Variants in KLF17 observed in about 807,000 individuals in gnomAD.
The protein encoded by KLF17 is KLF transcription factor 17.
A neutral mutation model predicts 34.2 loss-of-function variants in KLF17; 31 were observed. The observed-to-expected ratio is 0.91, with a 90% CI of 0.68 to 1.22. The LOEUF (loss-of-function observed/expected upper bound fraction) is 1.22, where lower values mean the gene tolerates loss of function less well. Ranked by LOEUF, KLF17 falls within the 50% of genes most tolerant of loss-of-function variation. The pLI is 0.00. For synonymous variants in KLF17, 179 were observed against 186.7 expected (o/e 0.96, Z 0.34); for missense variants, 478 against 505.2 (o/e 0.95, Z 0.52).
In KLF17 at chr1:44,130,502, T is replaced by A. The variant is rs751951408; in HGVS notation, c.926-10T>A. The A allele has an allele frequency of 3.7e-6, 6 of 1,613,936 alleles. No homozygotes were observed. The highest frequency in any genetic ancestry group is 5.1e-6 in the Non-Finnish European group (6 of 1,179,914). On this transcript the variant is annotated splice_polypyrimidine_tract_variant and intron_variant, in intron 2 of 3. Transcript: ENST00000372299. ...TATTCTAAATTCCATCTCTCCCTTG[T>A]CATTCCCAGGTGAGAGGCCATATTC...
chr1:44,087,724 TTATATATATATATATATATATA>T, the KLF17 span, among the ~76,000 whole-genome samples: 444 of 75,620 alleles, frequency 5.9e-3, 4 homozygotes, highest in South Asian at 0.011. Flanking sequence ...CCTATATATT[TTATATATATATATATATATATA>T]TATATATATA....
chr1:44,054,110 T>C, the KLF17 span, among the ~76,000 whole-genome samples: 31 of 152,334 alleles, frequency 2.0e-4, no homozygotes, highest in Admixed American at 1.1e-3. Flanking sequence ...AGGGCCGTTT[T>C]CTTGGGGCAC....
intron 1 of KLF17, among the ~76,000 whole-genome samples, chr1:44,119,583 C>T (rs980308134): frequency 8.5e-5 from 13 of 152,178 alleles, no homozygotes; most frequent in African/African-American, 2.4e-4. Flanking sequence ...AAGTCAGGGG[C>T]GCGTGGGAGC....
upstream of KLF17, chr1:44,115,757 AC>A (rs2087874379): frequency 6.6e-6 from 1 of 152,200 alleles, no homozygotes; most frequent in Admixed American, 6.5e-5. Flanking sequence ...TTGCTGGATG[AC>A]CATTTACATA....
the KLF17 span, among the ~76,000 whole-genome samples, chr1:44,055,736 T>C: frequency 6.6e-6 from 1 of 152,186 alleles, no homozygotes; most frequent in African/African-American, 2.4e-5. Context: ...GAAGACACAA[T>C]ATCCTTTGAG....
chr1:44,107,147 C>G, the KLF17 span: 2 of 152,138 alleles, frequency 1.3e-5, no homozygotes, highest in African/African-American at 4.8e-5. Flanking sequence ...TCTTGTTCCC[C>G]AAGCTGGAGT....
the KLF17 span, among the ~76,000 whole-genome samples, chr1:44,081,194 C>CCAG: frequency 6.8e-6 from 1 of 146,780 alleles, no homozygotes; most frequent in Non-Finnish European, 1.5e-5. Flanking sequence ...CCATTGCACT[C>CCAG]CAGCCTGGGT....
At chr1:44,122,101 C>CA in intron 1 of KLF17, 1 of 1,172,528 alleles carries the variant, frequency 8.5e-7, no homozygotes, top group Admixed American at 1.9e-5. Flanking sequence ...ACAACCTGTA[C>CA]AAAAAATATC....
At chr1:44,086,648 C>G in the KLF17 span, among the ~76,000 whole-genome samples, 1 of 152,234 alleles carries the variant, frequency 6.6e-6, no homozygotes, top group South Asian at 2.1e-4. Flanking sequence ...TGATTATCCA[C>G]TGGAGAGTGA....
chr1:44,124,246 C>T (rs752744549), intron 1 of KLF17, among the ~76,000 whole-genome samples: 16 of 150,582 alleles, frequency 1.1e-4, no homozygotes, highest in Non-Finnish European at 1.9e-4. Context: ...CATTCTTTTC[C>T]TCATTTCCAG....
At chr1:44,127,676 TTCTTTCTTTCTTTCTTTTTC>T (rs1390000121) in intron 1 of KLF17, among the ~76,000 whole-genome samples, 6 of 62,012 alleles carry the variant, frequency 9.7e-5, no homozygotes, top group Admixed American at 9.0e-4. Flanking sequence ...CTTTCTTTCT[TTCTTTCTTTCTTTCTTTTTC>T]TTTCTTTCTT....
chr1:44,108,468 G>T, the KLF17 span, among the ~76,000 whole-genome samples: 3 of 151,974 alleles, frequency 2.0e-5, no homozygotes, highest in South Asian at 2.1e-4. Context: ...ATGAATGCAG[G>T]GGATTGGGGT....
chr1:44,119,004 G>A lies in KLF17; in HGVS notation c.81+16G>A, dbSNP rs562797801. ...GGCTGCCCAGGTGAGTCAGGTGCCA[G>A]CCCCTGGCAGGCCGGGCGGGCCCAG... On this transcript the variant is annotated intron_variant, in intron 1 of 3. Transcript: ENST00000372299. 15 of 1,593,986 alleles carry A rather than the reference G, an allele frequency of 9.4e-6. No homozygotes were observed. Among genetic ancestry groups the A allele is most frequent in the Non-Finnish European group, 1.3e-5 (15 of 1,170,382 alleles).
the KLF17 span, among the ~76,000 whole-genome samples, chr1:44,078,434 C>CTTTTTTTTTTT: frequency 8.2e-6 from 1 of 122,034 alleles, no homozygotes. Context: ...GCTTTTCCTT[C>CTTTTTTTTTTT]TTCTTTTTTT....
chr1:44,066,382 T>A, the KLF17 span, among the ~76,000 whole-genome samples: 1 of 147,670 alleles, frequency 6.8e-6, no homozygotes, highest in Non-Finnish European at 1.5e-5. Flanking sequence ...GGTATGATAA[T>A]ACTTTCCTTT....
chr1:44,094,278 C>A, the KLF17 span, among the ~76,000 whole-genome samples: 1 of 152,024 alleles, frequency 6.6e-6, no homozygotes, highest in Non-Finnish European at 1.5e-5. Flanking sequence ...CAAATATTTT[C>A]CCCCATTCCA....
chr1:44,101,051 C>T, the KLF17 span, among the ~76,000 whole-genome samples: 1 of 152,170 alleles, frequency 6.6e-6, no homozygotes, highest in Admixed American at 6.6e-5. Context: ...TAAGTACCTT[C>T]AGAATTTTTT....
At chr1:44,065,785 C>T in the KLF17 span, among the ~76,000 whole-genome samples, 1 of 151,954 alleles carries the variant, frequency 6.6e-6, no homozygotes, top group African/African-American at 2.4e-5. Context: ...ATGCCACAAG[C>T]AAAGAAGATA....
At chr1:44,059,319 C>T in the KLF17 span, among the ~76,000 whole-genome samples, 1 of 152,288 alleles carries the variant, frequency 6.6e-6, no homozygotes, top group Admixed American at 6.5e-5. Context: ...CCTCTTTTGT[C>T]CTTGTTGGGT....
Sources: gnomAD v4.1 joint callset for allele counts (sites outside exome capture counted in the v4.1 genomes callset) on GRCh38, gnomAD v4.1.1 for gene constraint, MANE v1.5 for transcripts, NCBI Gene and HGNC (gene_info 2026-07-23, HGNC 2026-07-21) for gene names.